The following ARFIP1 variants were observed in gnomAD, a reference collection of about 807,000 sequenced individuals.
ARFIP1 encodes ARF interacting protein 1.
A neutral mutation model predicts 42.5 loss-of-function variants in ARFIP1; 24 were observed. The observed-to-expected ratio is 0.57, with a 90% CI of 0.41 to 0.80. The LOEUF (loss-of-function observed/expected upper bound fraction) is 0.80. Among genes scored for constraint, ARFIP1 ranks in the 30% least tolerant of loss-of-function variants. ARFIP1 has a pLI of 0.00. For synonymous variants in ARFIP1, 141 were observed against 153.7 expected (o/e 0.92, Z 0.61); for missense variants, 354 against 434.0 (o/e 0.82, Z 1.64).
intron 1 of ARFIP1, among the ~76,000 whole-genome samples, chr4:152,803,704 C>T (rs1728602710): frequency 6.6e-6 from 1 of 152,052 alleles, no homozygotes; most frequent in Non-Finnish European, 1.5e-5. Context: ...AATTCTGCAA[C>T]TGCCAACTGC....
chr4:152,850,614 G>A (rs926032498), intron 2 of ARFIP1: 1 of 152,136 alleles, frequency 6.6e-6, no homozygotes, highest in Middle Eastern at 3.2e-3. Context: ...TGATTTCCTT[G>A]TTTTGAAATT....
chr4:152,824,144 C>G (rs1160594533), intron 1 of ARFIP1, among the ~76,000 whole-genome samples: 1 of 151,950 alleles, frequency 6.6e-6, no homozygotes, highest in Non-Finnish European at 1.5e-5. Flanking sequence ...GAAACCCCCT[C>G]TCTACTAAAA....
intron 1 of ARFIP1, among the ~76,000 whole-genome samples, chr4:152,828,776 G>A (rs756851572): frequency 9.9e-5 from 15 of 152,098 alleles, no homozygotes; most frequent in Middle Eastern, 6.3e-3. Context: ...CATTGGTGTC[G>A]TATCTAAGAA....
chr4:152,858,516 A>G (rs1733622080), intron 2 of ARFIP1, among the ~76,000 whole-genome samples: 1 of 152,226 alleles, frequency 6.6e-6, no homozygotes. Context: ...CAAAAAGTCT[A>G]ATGTAAGAAT....
rs1477086360 is a variant in ARFIP1, at chr4:152,889,520, TATATATATATATATAC to T, written c.966+1215_966+1230del. The stretch of plus-strand genomic sequence containing the variant: ...AGTCATATATATATATATATATATA[TATATATATATATATAC>T]ACCTATTTTTGTGTGTGTGTGTATA... On this transcript the variant is annotated intron_variant, in intron 8 of 8. Transcript: ENST00000353617. Among the ~76,000 whole-genome samples the T allele has an allele frequency of 3.8e-3, 341 of 88,832 alleles. 11 individuals carry two copies. The highest frequency in any genetic ancestry group is 5.5e-3 in the Non-Finnish European group (231 of 42,084). The allele number at this position is 88,832 out of a possible 152,430, so 58.3% of individuals were successfully genotyped here.
At chr4:152,796,196 T>C in intron 1 of ARFIP1, 1 of 787,016 alleles carries the variant, frequency 1.3e-6, no homozygotes, top group Non-Finnish European at 2.3e-6. Flanking sequence ...GTGACAGTCT[T>C]TAGTAATAAC....
At chr4:152,842,802 A>C (rs545804341) in intron 2 of ARFIP1, among the ~76,000 whole-genome samples, 4 of 151,824 alleles carry the variant, frequency 2.6e-5, no homozygotes, top group African/African-American at 9.7e-5. Context: ...ATTTCCTTGA[A>C]TATTTCTCCC....
At chr4:152,802,905 A>C (rs945738805) in intron 1 of ARFIP1, among the ~76,000 whole-genome samples, 1 of 152,210 alleles carries the variant, frequency 6.6e-6, no homozygotes, top group Non-Finnish European at 1.5e-5. Context: ...TTAGTGTCAA[A>C]GTGTATTTTC....
chr4:152,811,309 T>C (rs1729444692), intron 1 of ARFIP1, among the ~76,000 whole-genome samples: 1 of 152,096 alleles, frequency 6.6e-6, no homozygotes, highest in Non-Finnish European at 1.5e-5. Context: ...GTAATGAAGA[T>C]CAGAAAGCAG....
intron 8 of ARFIP1, among the ~76,000 whole-genome samples, chr4:152,890,072 C>T (rs1428852239): frequency 6.6e-6 from 1 of 150,604 alleles, no homozygotes; most frequent in Non-Finnish European, 1.5e-5. Flanking sequence ...GGCATTCCAC[C>T]CTATCATCAC....
At chr4:152,831,423 G>C (rs1177758174) in intron 2 of ARFIP1, among the ~76,000 whole-genome samples, 1 of 152,096 alleles carries the variant, frequency 6.6e-6, no homozygotes, top group African/African-American at 2.4e-5. Flanking sequence ...GAAGTCACTT[G>C]CCATCTTAAG....
At chr4:152,882,922 G>A in intron 7 of ARFIP1, 42 bp downstream of exon 7, 2 of 1,556,396 alleles carry the variant, frequency 1.3e-6, no homozygotes, top group South Asian at 1.2e-5. Context: ...TTTACAGATG[G>A]CATATAATTC....
chr4:152,815,934 C>T (rs938756794), intron 1 of ARFIP1, among the ~76,000 whole-genome samples: 4 of 151,648 alleles, frequency 2.6e-5, no homozygotes, highest in Admixed American at 6.6e-5. Context: ...TTAGTAGAGA[C>T]GGGGTTTCAC....
intron 8 of ARFIP1, among the ~76,000 whole-genome samples, chr4:152,907,295 A>G (rs979836292): frequency 1.3e-5 from 2 of 152,194 alleles, no homozygotes; most frequent in Non-Finnish European, 2.9e-5. Context: ...GAACAGTGCA[A>G]GTCTTCAACA....
intron 8 of ARFIP1, among the ~76,000 whole-genome samples, chr4:152,906,631 C>G (rs1738380201): frequency 6.6e-6 from 1 of 152,206 alleles, no homozygotes; most frequent in African/African-American, 2.4e-5. Flanking sequence ...TCTACTTCTA[C>G]CTTTGCATGT....
At chr4:152,829,595 T>C (rs759984298) in intron 1 of ARFIP1, 30 bp from the exon 2 acceptor site, 1 of 1,487,186 alleles carries the variant, frequency 6.7e-7, no homozygotes, top group South Asian at 1.2e-5. Flanking sequence ...TGGTATTAGT[T>C]ACGGCGCTTT....
At chr4:152,795,162 T>TTTTGTTTG (rs142814353) in intron 1 of ARFIP1, among the ~76,000 whole-genome samples, 4 of 151,748 alleles carry the variant, frequency 2.6e-5, no homozygotes, top group African/African-American at 7.3e-5. Context: ...CTTCCGGTGT[T>TTTTGTTTG]TTTGTTTGTT....
chr4:152,907,349 T>C (rs1738445735), intron 8 of ARFIP1, among the ~76,000 whole-genome samples: 2 of 81,440 alleles, frequency 2.5e-5, no homozygotes, highest in African/African-American at 1.2e-4. Flanking sequence ...CTTTTTCTCT[T>C]TTTTAATAAA....
rs752172314 is a variant in ARFIP1 at position 152,879,003 on chromosome 4, A to G, written c.412-1960A>G. On this transcript the variant is annotated intron_variant, in intron 5 of 8. Transcript: ENST00000353617. ...AAATTTCTGGCATTATTTCTTGCTG[A>G]TGGTTTTCTTGTTAAAATCACATCT... Among the ~76,000 whole-genome samples the G allele has an allele frequency of 3.4e-5, 5 of 148,606 alleles. No homozygotes were observed. The Admixed American group carries it at 3.4e-4, about 10-fold the overall frequency.
Sources: gnomAD v4.1 joint callset for allele counts (sites outside exome capture counted in the v4.1 genomes callset) on GRCh38, gnomAD v4.1.1 for gene constraint, MANE v1.5 for transcripts, NCBI Gene and HGNC (gene_info 2026-07-23, HGNC 2026-07-21) for gene names.